Variants in NFASC observed in about 807,000 individuals in gnomAD.
NFASC encodes neurofascin homolog.
In NFASC, 43 loss-of-function variants were observed where a neutral mutation model predicts 147.5. The observed-to-expected ratio is 0.29, with a 90% CI of 0.23 to 0.38. The LOEUF (loss-of-function observed/expected upper bound fraction) is 0.38, where lower values mean the gene tolerates loss of function less well. Ranked by LOEUF, NFASC falls within the 10% of genes least tolerant of loss-of-function variation. NFASC has a pLI of 1.00. For missense variants in NFASC, 1,320 were observed against 1,689.0 expected, an observed-to-expected ratio of 0.78 and a Z score of 3.83; for synonymous variants, 622 against 665.5, an observed-to-expected ratio of 0.93 and a Z score of 1.01.
intron 21 of NFASC, 21 bp downstream of exon 21, chr1:204,982,041 C>G: frequency 7.5e-6 from 11 of 1,474,144 alleles, no homozygotes; most frequent in Non-Finnish European, 1.0e-5. Flanking sequence ...TCCTCCCCGT[C>G]CCCCCATCAG....
At chr1:204,864,660 G>A (rs2076974298) in intron 1 of NFASC, among the ~76,000 whole-genome samples, 1 of 152,014 alleles carries the variant, frequency 6.6e-6, no homozygotes, top group African/African-American at 2.4e-5. Flanking sequence ...TGTGCTTCTT[G>A]GCCATTTATG....
chr1:204,837,737 G>A (rs6656806), intron 1 of NFASC, among the ~76,000 whole-genome samples: 35,227 of 151,972 alleles, frequency 0.23, 6,389 homozygotes, highest in East Asian at 0.73. Flanking sequence ...GTAACGCCGG[G>A]GAATGCTTAC....
intron 1 of NFASC, among the ~76,000 whole-genome samples, chr1:204,883,059 T>C (rs1235230210): frequency 1.3e-5 from 2 of 151,838 alleles, no homozygotes; most frequent in Non-Finnish European, 2.9e-5. Context: ...AGGTAGGGTG[T>C]GTTGGAGTTG....
chr1:204,873,793 C>T (rs1218745767), intron 1 of NFASC, among the ~76,000 whole-genome samples: 3 of 152,180 alleles, frequency 2.0e-5, no homozygotes, highest in Non-Finnish European at 2.9e-5. Context: ...GTAGCTTTTA[C>T]TTCCCCTCTG....
chr1:204,862,330 GCTT>G (rs1382616029), intron 1 of NFASC, among the ~76,000 whole-genome samples: 1 of 152,222 alleles, frequency 6.6e-6, no homozygotes, highest in African/African-American at 2.4e-5. Flanking sequence ...CAAAAGAAAA[GCTT>G]CTGAAATGTT....
At chr1:204,882,691 C>G (rs1192266825) in intron 1 of NFASC, among the ~76,000 whole-genome samples, 1 of 152,106 alleles carries the variant, frequency 6.6e-6, no homozygotes, top group Non-Finnish European at 1.5e-5. Context: ...ACCTGTGAGG[C>G]CCTCGGTAAA....
intron 1 of NFASC, among the ~76,000 whole-genome samples, chr1:204,910,345 C>A (rs1211853036): frequency 2.0e-5 from 3 of 152,004 alleles, no homozygotes; most frequent in Admixed American, 1.3e-4. Flanking sequence ...TTTAAAATTT[C>A]TGTTTCCATA....
rs111931362 is a variant in NFASC, at chr1:205,020,488, AGAG to A, written c.*3953_*3955del. 0.034 allele frequency: 5,212 copies of A among 152,368 alleles called. 189 individuals carry two copies. The highest frequency in any genetic ancestry group is 0.092 in the African/African-American group (3,837 of 41,558). 9.4% of individuals were successfully genotyped at this position (152,368 alleles called of 1,614,324 possible). A position where few individuals can be genotyped will look rare whatever the true frequency, so the allele number is the denominator to read the frequency against. ...TCTGTGTGGATGAGGAACGCACCTT[AGAG>A]GAGTGGGAAAGGCCACCAGGGTTGG... On this transcript the variant is annotated 3_prime_UTR_variant, in exon 30 of 30. Transcript: ENST00000339876.
chr1:204,962,552 G>T (rs964762990), intron 8 of NFASC, among the ~76,000 whole-genome samples: 2 of 152,194 alleles, frequency 1.3e-5, no homozygotes, highest in African/African-American at 4.8e-5. Flanking sequence ...GTTCCTATTG[G>T]TAGTTGAAAG....
At chr1:204,938,271 T>C (rs577954774) in intron 2 of NFASC, among the ~76,000 whole-genome samples, 3 of 152,342 alleles carry the variant, frequency 2.0e-5, no homozygotes, top group African/African-American at 4.8e-5. Flanking sequence ...GCGTCATTAT[T>C]ACAGCCACTT....
At chr1:204,981,239 C>T (rs1263960991) in intron 20 of NFASC, among the ~76,000 whole-genome samples, 1 of 152,258 alleles carries the variant, frequency 6.6e-6, no homozygotes, top group Non-Finnish European at 1.5e-5. Flanking sequence ...CTCTGTATAG[C>T]AGGCTCCAAG....
chr1:204,961,702 C>T (rs2094680255), intron 8 of NFASC, among the ~76,000 whole-genome samples: 1 of 152,276 alleles, frequency 6.6e-6, no homozygotes, highest in Non-Finnish European at 1.5e-5. Context: ...GCTCCAAGAG[C>T]TAGCCTGACC....
intron 27 of NFASC, 50 bp from the exon 28 acceptor site, chr1:205,009,507 A>G (rs759769267): frequency 6.2e-7 from 1 of 1,600,872 alleles, no homozygotes; most frequent in Non-Finnish European, 8.6e-7. Flanking sequence ...CCTCCTCACC[A>G]TCTCCCCCAT....
chr1:204,940,618 C>T (rs1418295243), intron 2 of NFASC, among the ~76,000 whole-genome samples: 1 of 152,192 alleles, frequency 6.6e-6, no homozygotes, highest in African/African-American at 2.4e-5. Context: ...CTCTGGTCAC[C>T]AAAGACAATC....
At chr1:204,912,503 C>A (rs2087841489) in intron 1 of NFASC, among the ~76,000 whole-genome samples, 2 of 151,528 alleles carry the variant, frequency 1.3e-5, no homozygotes, top group South Asian at 4.2e-4. Flanking sequence ...TCAAGACCAG[C>A]CTGGGCAACA....
chr1:204,857,916 C>CATTTT (rs2076296906), intron 1 of NFASC, among the ~76,000 whole-genome samples: 1 of 133,694 alleles, frequency 7.5e-6, no homozygotes, highest in Non-Finnish European at 1.5e-5. Context: ...CCTTCTTCTT[C>CATTTT]TTCTTTTTTT....
intron 1 of NFASC, among the ~76,000 whole-genome samples, chr1:204,890,947 T>G (rs2082270515): frequency 6.6e-6 from 1 of 152,190 alleles, no homozygotes; most frequent in South Asian, 2.1e-4. Context: ...CCCAATGGTC[T>G]CACCCTGGTA....
At chr1:204,830,628 A>ATG (rs962419575) in intron 1 of NFASC, among the ~76,000 whole-genome samples, 2 of 147,086 alleles carry the variant, frequency 1.4e-5, no homozygotes, top group African/African-American at 5.1e-5. Context: ...GTGTGTTGTG[A>ATG]TGTGTGTGTG....
chr1:204,962,849 C>T (rs956995535), intron 8 of NFASC, among the ~76,000 whole-genome samples: 8 of 152,216 alleles, frequency 5.3e-5, no homozygotes, highest in Non-Finnish European at 8.8e-5. Flanking sequence ...GGAACAATTA[C>T]AATGAGGCAT....
Sources: gnomAD v4.1 joint callset for allele counts (sites outside exome capture counted in the v4.1 genomes callset) on GRCh38, gnomAD v4.1.1 for gene constraint, MANE v1.5 for transcripts, NCBI Gene and HGNC (gene_info 2026-07-23, HGNC 2026-07-21) for gene names.